BMPR1B: variants seen among roughly 807,000 people sequenced by gnomAD.
BMPR1B encodes the protein bone morphogenetic protein receptor type-1B.
Under a neutral mutation model 59.1 loss-of-function variants are expected in BMPR1B, and 12 were observed. The ratio of observed to expected loss-of-function variants is 0.20; its 90% CI spans 0.13 to 0.33. BMPR1B has a LOEUF of 0.33. BMPR1B is among the 10% of genes least tolerant of loss of function. BMPR1B has a pLI of 1.00. For missense variants in BMPR1B, 550 were observed against 610.9 expected, an observed-to-expected ratio of 0.90 and a Z score of 1.05; for synonymous variants, 237 against 207.3, an observed-to-expected ratio of 1.14 and a Z score of -1.23.
chr4:95,131,408 C>A lies in BMPR1B; in HGVS notation c.972C>A (p.Gly324=). The A allele has an allele frequency of 6.2e-7, 1 of 1,613,970 alleles. No individual in the cohort carries two copies. The highest frequency in any genetic ancestry group is 2.2e-5 in the East Asian group (1 of 44,862). Residue 324 remains glycine, a synonymous_variant, in exon 10 of 13, where the codon GGC becomes GGA. Coordinates refer to ENST00000515059, the MANE Select transcript of BMPR1B (RefSeq NM_001203.3). The stretch of plus-strand genomic sequence containing the variant: ...ACACAGAAATCTTTAGTACTCAAGG[C>A]AAACCAGCAATTGCCCATCGAGATC... ...HLHTEIFSTQ[G]KPAIAHRDLK...
intron 3 of BMPR1B, among the ~76,000 whole-genome samples, chr4:95,027,458 C>T (rs17022883): frequency 0.25 from 37,937 of 152,026 alleles, 6,130 homozygotes; most frequent in African/African-American, 0.46. Context: ...CATTATTATT[C>T]ATCTTTCCTT....
chr4:94,947,016 C>T (rs754065517), intron 2 of BMPR1B, among the ~76,000 whole-genome samples: 3 of 152,128 alleles, frequency 2.0e-5, no homozygotes, highest in Non-Finnish European at 2.9e-5. Context: ...CACTCTGCTG[C>T]ACTCCAACCT....
intron 2 of BMPR1B, among the ~76,000 whole-genome samples, chr4:94,898,014 A>G (rs1578776113): frequency 7.5e-6 from 1 of 134,100 alleles, no homozygotes; most frequent in Admixed American, 9.0e-5. Flanking sequence ...TGGCACAGTC[A>G]TGGCTCACTG....
intron 1 of BMPR1B, among the ~76,000 whole-genome samples, chr4:94,785,020 T>C (rs1006733575): frequency 2.0e-5 from 3 of 152,158 alleles, no homozygotes; most frequent in Non-Finnish European, 2.9e-5. Context: ...AAGAAAGTTA[T>C]GCTATGGAGC....
chr4:94,880,864 G>T (rs1451861532), intron 2 of BMPR1B, among the ~76,000 whole-genome samples: 1 of 151,964 alleles, frequency 6.6e-6, no homozygotes, highest in African/African-American at 2.4e-5. Flanking sequence ...TTGAACTTCT[G>T]ATCTCAAGTG....
intron 1 of BMPR1B, among the ~76,000 whole-genome samples, chr4:94,804,727 G>C (rs1723543322): frequency 6.6e-6 from 1 of 151,664 alleles, no homozygotes; most frequent in Non-Finnish European, 1.5e-5. Context: ...TTTTCTTTGG[G>C]AACTATTTTT....
chr4:94,895,623 A>G (rs1196011856), intron 2 of BMPR1B, among the ~76,000 whole-genome samples: 1 of 151,858 alleles, frequency 6.6e-6, no homozygotes, highest in African/African-American at 2.4e-5. Flanking sequence ...TGACACTTCA[A>G]AATAATTATT....
At chr4:95,127,044 CTGTGTGTGTGTG>C (rs6148578) in intron 8 of BMPR1B, among the ~76,000 whole-genome samples, 1 of 146,364 alleles carries the variant, frequency 6.8e-6, no homozygotes, top group Non-Finnish European at 1.5e-5. Flanking sequence ...AGAATTAAGA[CTGTGTGTGTGTG>C]TGTGTGTGTG....
At chr4:94,986,973 G>A (rs939290956) in intron 2 of BMPR1B, among the ~76,000 whole-genome samples, 45 of 150,210 alleles carry the variant, frequency 3.0e-4, no homozygotes, top group South Asian at 4.2e-4. Flanking sequence ...CCCAGGAGGC[G>A]GAGCTTGCAG....
At chr4:94,959,075 G>A (rs979099988) in intron 2 of BMPR1B, among the ~76,000 whole-genome samples, 1 of 152,062 alleles carries the variant, frequency 6.6e-6, no homozygotes, top group Non-Finnish European at 1.5e-5. Context: ...CAGATTTTAG[G>A]GTTGCTTGAA....
chr4:95,158,259 T>C lies in BMPR1B; in HGVS notation c.*3586T>C. 6.6e-6 allele frequency: 1 copy of C among 152,082 alleles called. No individual in the cohort carries two copies. The allele number at this position is 152,082 out of a possible 1,614,324, so 9.4% of individuals were successfully genotyped here. A position where few individuals can be genotyped will look rare whatever the true frequency, so the allele number is the denominator to read the frequency against. ...TGGAGAAAAGTTGGCAATATAGGGG[T>C]TTCGTTGTCTGTTTCACAAGAAGAC... On this transcript the variant is annotated 3_prime_UTR_variant, in exon 13 of 13. Transcript: ENST00000515059.
chr4:94,784,790 C>G (rs763221774), intron 1 of BMPR1B, among the ~76,000 whole-genome samples: 1 of 152,180 alleles, frequency 6.6e-6, no homozygotes, highest in African/African-American at 2.4e-5. Context: ...AGTAGCAGCT[C>G]ATGTCATTCT....
chr4:94,899,646 G>A (rs1196032635), intron 2 of BMPR1B, among the ~76,000 whole-genome samples: 1 of 151,826 alleles, frequency 6.6e-6, no homozygotes. Flanking sequence ...TTTTTGAGAT[G>A]CAGCAAAAGA....
intron 2 of BMPR1B, among the ~76,000 whole-genome samples, chr4:94,929,418 T>C (rs570740528): frequency 6.6e-6 from 1 of 152,136 alleles, no homozygotes; most frequent in Non-Finnish European, 1.5e-5. Flanking sequence ...CTGCTAAAAC[T>C]CTTTTGCAAA....
intron 3 of BMPR1B, among the ~76,000 whole-genome samples, chr4:95,042,842 T>C (rs1387238161): frequency 1.3e-5 from 2 of 152,290 alleles, no homozygotes; most frequent in South Asian, 4.1e-4. Flanking sequence ...GAGATAGTCA[T>C]ATTTTCCAGG....
chr4:95,002,050 G>T (rs987285763), intron 3 of BMPR1B, among the ~76,000 whole-genome samples: 1 of 152,100 alleles, frequency 6.6e-6, no homozygotes, highest in African/African-American at 2.4e-5. Flanking sequence ...ATTGCATGAT[G>T]CTGAGGTTTG....
At chr4:95,032,203 T>G (rs1724917263) in intron 3 of BMPR1B, among the ~76,000 whole-genome samples, 1 of 152,204 alleles carries the variant, frequency 6.6e-6, no homozygotes, top group Middle Eastern at 3.4e-3. Context: ...AGCTCCTGCC[T>G]CCTGGTTTGC....
chr4:94,765,664 CTG>C (rs1484338676), intron 1 of BMPR1B, among the ~76,000 whole-genome samples: 2 of 151,744 alleles, frequency 1.3e-5, no homozygotes, highest in Non-Finnish European at 2.9e-5. Context: ...TCTAACATAA[CTG>C]TTATTTCTAC....
chr4:94,823,497 T>G (rs375749015), intron 1 of BMPR1B, among the ~76,000 whole-genome samples: 2 of 152,268 alleles, frequency 1.3e-5, no homozygotes, highest in South Asian at 2.1e-4. Context: ...AGCCAGTGTC[T>G]GGAAAGTGAT....
Sources: gnomAD v4.1 joint callset for allele counts (sites outside exome capture counted in the v4.1 genomes callset) on GRCh38, gnomAD v4.1.1 for gene constraint, MANE v1.5 for transcripts, NCBI Gene and HGNC (gene_info 2026-07-23, HGNC 2026-07-21) for gene names.